Variants in COL22A1 observed in about 807,000 individuals in gnomAD.
COL22A1 encodes collagen type XXII alpha 1 chain, also known as collagen alpha-1(XXII) chain.
Under a neutral mutation model 248.9 loss-of-function variants are expected in COL22A1, and 221 were observed. The ratio of observed to expected loss-of-function variants is 0.89; its 90% CI spans 0.80 to 0.99. The LOEUF (loss-of-function observed/expected upper bound fraction) is 0.99, where lower values mean the gene tolerates loss of function less well. Among genes scored for constraint, COL22A1 ranks in the 50% least tolerant of loss-of-function variants. The probability of loss-of-function intolerance (pLI) is 0.00; values close to 1 mark genes in which losing one functional copy is unlikely to be tolerated. For synonymous variants in COL22A1, 891 were observed against 793.4 expected (o/e 1.12, Z -2.07); for missense variants, 2,240 against 2,179.0 (o/e 1.03, Z -0.56).
At chr8:138,639,797 T>A (rs923597507) in intron 47 of COL22A1, among the ~76,000 whole-genome samples, 6 of 152,226 alleles carry the variant, frequency 3.9e-5, no homozygotes, top group African/African-American at 1.4e-4. Flanking sequence ...GAGATAGTAT[T>A]CCTATCCATC....
intron 41 of COL22A1, among the ~76,000 whole-genome samples, chr8:138,664,373 G>T (rs1012003404): frequency 6.6e-6 from 1 of 151,918 alleles, no homozygotes; most frequent in Non-Finnish European, 1.5e-5. Context: ...TGACTGGAAG[G>T]CATTCACATG....
chr8:138,847,564 G>A (rs1277726298), intron 3 of COL22A1, among the ~76,000 whole-genome samples: 4 of 152,194 alleles, frequency 2.6e-5, no homozygotes, highest in Non-Finnish European at 5.9e-5. Context: ...GGATGGATGT[G>A]TGATTCAGGG....
chr8:138,700,015 A>G (rs1024849497), intron 32 of COL22A1, 97 bp downstream of exon 32: 120 of 1,129,986 alleles, frequency 1.1e-4, no homozygotes, highest in Non-Finnish European at 1.5e-4. Flanking sequence ...GATGGGGCTG[A>G]GTCCTCACCC....
chr8:138,850,399 C>T (rs1207593697), intron 3 of COL22A1, among the ~76,000 whole-genome samples: 1 of 152,184 alleles, frequency 6.6e-6, no homozygotes, highest in Non-Finnish European at 1.5e-5. Context: ...AGGAAAATCC[C>T]CCTGGACCTG....
Position 138,779,530 on chromosome 8 carries a change from C to A in COL22A1, c.1683G>T (p.Leu561=). 1.9e-6 allele frequency: 3 copies of A among 1,613,516 alleles called. No homozygotes were observed. The highest frequency in any genetic ancestry group is 2.5e-6 in the Non-Finnish European group (3 of 1,179,446). ...GEPGELGEPG[L]PGEVGMRGPQ... is the part of the protein sequence containing the mutation. ...TCACCCGCATGCCGACCTCACCCGG[C>A]AGCCCCGGCTCTCCCAGCTCTCCTG... The change falls in exon 14 of 65, where the codon CTG becomes CTT. Residue 561 remains leucine, a synonymous_variant. Coordinates refer to ENST00000303045, the MANE Select transcript of COL22A1 (RefSeq NM_152888.3).
chr8:138,889,531 G>A (rs1025369554), intron 1 of COL22A1, among the ~76,000 whole-genome samples: 7 of 152,160 alleles, frequency 4.6e-5, no homozygotes, highest in African/African-American at 1.7e-4. Context: ...CATGGACACA[G>A]GAAGGGGAAC....
intron 2 of COL22A1, among the ~76,000 whole-genome samples, chr8:138,880,623 T>C (rs1394499389): frequency 2.0e-5 from 3 of 152,184 alleles, no homozygotes; most frequent in Admixed American, 6.5e-5. Context: ...CAAGGGACAA[T>C]CTGCATGTCA....
chr8:138,595,204 C>T (rs535332152), intron 62 of COL22A1, among the ~76,000 whole-genome samples: 1 of 152,228 alleles, frequency 6.6e-6, no homozygotes, highest in Admixed American at 6.5e-5. Flanking sequence ...TGTCTCCCTC[C>T]TACTACTCCT....
Position 138,636,769 on chromosome 8 carries a change from A to G in COL22A1, c.3528T>C (p.Asp1176=). ...PQGSQGERGA[D]GEVGQKGDQG... ...GATCACCTTTCTGCCCAACCTCACC[A>G]TCTGCACCACGTTCTCCTTGACTTC... Residue 1176 remains aspartate, a synonymous_variant, in exon 48 of 65, where the codon GAT becomes GAC. Transcript: ENST00000303045. 1.2e-6 allele frequency: 2 copies of G among 1,613,694 alleles called. No homozygotes were observed. Among genetic ancestry groups the G allele is most frequent in the South Asian group, 1.1e-5 (1 of 91,074 alleles).
At chr8:138,622,876 T>C (rs1258108112) in intron 52 of COL22A1, among the ~76,000 whole-genome samples, 1 of 152,140 alleles carries the variant, frequency 6.6e-6, no homozygotes, top group African/African-American at 2.4e-5. Context: ...GGTGGGCATT[T>C]GGAGAACCCA....
At position 138,616,904 on chromosome 8, in the gene COL22A1, G is replaced by T. The variant is rs369127172; in HGVS notation, c.3870+10C>A. 5 of 1,613,906 alleles carry T rather than the reference G, an allele frequency of 3.1e-6. No homozygotes were observed. Among genetic ancestry groups the T allele is most frequent in the Non-Finnish European group, 4.2e-6 (5 of 1,180,006 alleles). On this transcript the variant is annotated intron_variant, in intron 54 of 64. Coordinates refer to ENST00000303045, the MANE Select transcript of COL22A1 (RefSeq NM_152888.3). ...CCTGGGGGGACCTCCAAAGTGAGGC[G>T]CCCACTTACCCGGGGACCGGGTGCA... is the stretch of plus-strand genomic sequence containing the variant.
intron 1 of COL22A1, among the ~76,000 whole-genome samples, chr8:138,910,960 G>A (rs1348261672): frequency 6.6e-6 from 1 of 152,320 alleles, no homozygotes; most frequent in East Asian, 1.9e-4. Flanking sequence ...CACCTTCGAA[G>A]GAAGAGAGGG....
intron 3 of COL22A1, among the ~76,000 whole-genome samples, chr8:138,854,601 G>A (rs1821876547): frequency 6.6e-6 from 1 of 152,160 alleles, no homozygotes; most frequent in African/African-American, 2.4e-5. Context: ...TGTGACTGAT[G>A]ATCACCAATG....
intron 35 of COL22A1, among the ~76,000 whole-genome samples, chr8:138,691,714 TTA>T (rs1491539701): frequency 2.5e-4 from 3 of 12,138 alleles, no homozygotes; most frequent in South Asian, 2.4e-3. Flanking sequence ...GGAGGTGTGT[TTA>T]TGTGTGTACA....
chr8:138,657,185 GC>G (rs200682162), intron 44 of COL22A1, among the ~76,000 whole-genome samples: 25 of 152,150 alleles, frequency 1.6e-4, no homozygotes, highest in African/African-American at 5.3e-4. Context: ...CACTTAGGAT[GC>G]AGCGGCTAAA....
intron 22 of COL22A1, among the ~76,000 whole-genome samples, chr8:138,742,320 A>G (rs1183346275): frequency 7.2e-6 from 1 of 138,508 alleles, no homozygotes. Context: ...GTGATGGTGG[A>G]GTTGATGGTG....
At chr8:138,779,347 A>G (rs1814748011) in intron 14 of COL22A1, among the ~76,000 whole-genome samples, 162 bp downstream of exon 14, 1 of 152,244 alleles carries the variant, frequency 6.6e-6, no homozygotes, top group African/African-American at 2.4e-5. Flanking sequence ...CATTTTTGTA[A>G]GAATTGTGTG....
In COL22A1 at chr8:138,751,454, T is replaced by C; in HGVS notation, c.2085+4A>G. On this transcript the variant is annotated splice_donor_region_variant and intron_variant, in intron 22 of 64. Coordinates refer to ENST00000303045, the MANE Select transcript of COL22A1 (RefSeq NM_152888.3). Reference sequence around the variant, plus strand: ...GAATCACAAAGAAAAGAGAGTTTACTTACTCGGAGACCTTGCAAACCAGGA... The same window carrying C: ...GAATCACAAAGAAAAGAGAGTTTACCTACTCGGAGACCTTGCAAACCAGGA... 1 of 1,607,412 alleles carries C rather than the reference T, an allele frequency of 6.2e-7. No individual in the cohort carries two copies. The highest frequency in any genetic ancestry group is 8.5e-7 in the Non-Finnish European group (1 of 1,175,866).
At chr8:138,615,419 T>A (rs1819229419) in intron 55 of COL22A1, among the ~76,000 whole-genome samples, 1 of 151,744 alleles carries the variant, frequency 6.6e-6, no homozygotes, top group African/African-American at 2.4e-5. Flanking sequence ...TAGTCCCAGT[T>A]ACTCGGGAGG....
Sources: allele counts gnomAD v4.1 joint callset (sites outside exome capture counted in the v4.1 genomes callset), GRCh38; gene constraint gnomAD v4.1.1; transcripts MANE v1.5; gene names NCBI Gene and HGNC (gene_info 2026-07-23, HGNC 2026-07-21).